Variants in WWOX observed in about 807,000 individuals in gnomAD.
WWOX encodes the protein WW domain containing oxidoreductase.
In WWOX, 69 loss-of-function variants were observed where a neutral mutation model predicts 46.2. That is an observed-to-expected ratio of 1.49 (90% confidence interval 1.23 to 1.82). The LOEUF is 1.82. Ranked by LOEUF, WWOX falls within the 40% of genes most tolerant of loss-of-function variation. The pLI, the probability that WWOX is intolerant of heterozygous loss-of-function variation, is 0.00. For missense variants in WWOX, 919 were observed against 542.6 expected (o/e 1.69, Z -6.89); for synonymous variants, 359 against 202.6 (o/e 1.77, Z -6.56).
At chr16:78,657,244 A>G (rs2047102437) in intron 8 of WWOX, among the ~76,000 whole-genome samples, 1 of 151,620 alleles carries the variant, frequency 6.6e-6, no homozygotes, top group Non-Finnish European at 1.5e-5. Context: ...TTTCATTGCC[A>G]CCCTTGCCTG....
chr16:78,652,436 A>C (rs57552904), intron 8 of WWOX, among the ~76,000 whole-genome samples: 1 of 151,386 alleles, frequency 6.6e-6, no homozygotes, highest in African/African-American at 2.4e-5. Context: ...AAAAAAGAAA[A>C]AGAAAAAGGT....
At chr16:79,160,805 A>G (rs902475341) in intron 8 of WWOX, among the ~76,000 whole-genome samples, 1 of 152,200 alleles carries the variant, frequency 6.6e-6, no homozygotes. Context: ...ACATATATGT[A>G]TATGTTCTGT....
At chr16:78,128,532 A>C (rs987115890) in intron 4 of WWOX, among the ~76,000 whole-genome samples, 2 of 152,188 alleles carry the variant, frequency 1.3e-5, no homozygotes, top group African/African-American at 2.4e-5. Flanking sequence ...CCAGGTCCTT[A>C]CTTCTGCTCA....
chr16:78,456,559 T>G (rs1373487262), intron 8 of WWOX, among the ~76,000 whole-genome samples: 1 of 152,194 alleles, frequency 6.6e-6, no homozygotes, highest in African/African-American at 2.4e-5. Context: ...AGAACAATAT[T>G]TTAACATAAT....
At chr16:78,859,975 G>A (rs888986727) in intron 8 of WWOX, among the ~76,000 whole-genome samples, 7 of 152,236 alleles carry the variant, frequency 4.6e-5, no homozygotes, top group Non-Finnish European at 7.4e-5. Flanking sequence ...TATCCAGATA[G>A]CTATAGCAAA....
chr16:78,490,851 C>G (rs919019977), intron 8 of WWOX, among the ~76,000 whole-genome samples: 2 of 152,176 alleles, frequency 1.3e-5, no homozygotes, highest in African/African-American at 4.8e-5. Context: ...AGAAGCTCAC[C>G]CATCACCATT....
At chr16:78,798,973 T>G (rs1318499356) in intron 8 of WWOX, among the ~76,000 whole-genome samples, 1 of 152,152 alleles carries the variant, frequency 6.6e-6, no homozygotes, top group African/African-American at 2.4e-5. Context: ...TCTTGGTCTA[T>G]TAATTCAGGA....
Position 78,851,910 on chromosome 16 carries a change from A to G in WWOX, c.1057-359698A>G, listed in dbSNP as rs139978405. Among the ~76,000 whole-genome samples, 383 of 152,292 alleles carry G rather than the reference A, an allele frequency of 2.5e-3. 2 individuals carry two copies. The highest frequency in any genetic ancestry group is 8.8e-3 in the African/African-American group (364 of 41,570). Reference sequence around the variant, plus strand: ...TGAAATAATTTCATTTAAACCCTTCATGCCCATCTTCAGCATCATTGCTAA... The same window carrying G: ...TGAAATAATTTCATTTAAACCCTTCGTGCCCATCTTCAGCATCATTGCTAA... On this transcript the variant is annotated intron_variant, in intron 8 of 8. Transcript: ENST00000566780.
At chr16:78,809,904 A>C (rs1034348884) in intron 8 of WWOX, among the ~76,000 whole-genome samples, 28 of 152,184 alleles carry the variant, frequency 1.8e-4, no homozygotes, top group African/African-American at 6.3e-4. Context: ...CCCGTGGGTT[A>C]GCATGTTCCA....
At chr16:78,590,496 A>G (rs1163673245) in intron 8 of WWOX, among the ~76,000 whole-genome samples, 1 of 152,226 alleles carries the variant, frequency 6.6e-6, no homozygotes, top group Non-Finnish European at 1.5e-5. Context: ...GTTGGGGAAG[A>G]GGGAAAGGTT....
intron 8 of WWOX, among the ~76,000 whole-genome samples, chr16:78,725,373 G>A (rs1403159533): frequency 2.9e-5 from 2 of 69,442 alleles, no homozygotes; most frequent in Non-Finnish European, 5.0e-5. Flanking sequence ...TTGAGATGGA[G>A]TTTCACTCTT....
At chr16:78,638,526 C>A (rs553309660) in intron 8 of WWOX, among the ~76,000 whole-genome samples, 1 of 152,132 alleles carries the variant, frequency 6.6e-6, no homozygotes, top group African/African-American at 2.4e-5. Flanking sequence ...TTTTGTCTGG[C>A]CTGTACCTGC....
At chr16:78,967,885 A>T (rs2046392325) in intron 8 of WWOX, among the ~76,000 whole-genome samples, 1 of 152,204 alleles carries the variant, frequency 6.6e-6, no homozygotes, top group Non-Finnish European at 1.5e-5. Flanking sequence ...CCACATCAGT[A>T]GCTGCAGGAG....
intron 8 of WWOX, among the ~76,000 whole-genome samples, chr16:79,059,572 C>T (rs938700043): frequency 6.6e-6 from 1 of 152,128 alleles, no homozygotes; most frequent in Non-Finnish European, 1.5e-5. Flanking sequence ...CTCACTGCAG[C>T]CTCCGCCTTC....
At chr16:78,532,584 G>A (rs35849257) in intron 8 of WWOX, among the ~76,000 whole-genome samples, 2,163 of 152,214 alleles carry the variant, frequency 0.014, 23 homozygotes, top group African/African-American at 0.027. Flanking sequence ...ACTGATAAAG[G>A]CATACCCAAT....
chr16:78,856,500 G>A (rs568426788), intron 8 of WWOX, among the ~76,000 whole-genome samples: 2 of 152,212 alleles, frequency 1.3e-5, no homozygotes, highest in East Asian at 1.9e-4. Flanking sequence ...AAAATCAGCT[G>A]GTTGTGGTGG....
intron 8 of WWOX, among the ~76,000 whole-genome samples, chr16:78,513,105 T>G (rs559356265): frequency 6.6e-6 from 1 of 152,306 alleles, no homozygotes; most frequent in East Asian, 1.9e-4. Flanking sequence ...TTCCAACTGG[T>G]TTGTATTTTC....
chr16:78,658,252 G>C (rs967568929), intron 8 of WWOX, among the ~76,000 whole-genome samples: 1 of 152,028 alleles, frequency 6.6e-6, no homozygotes, highest in African/African-American at 2.4e-5. Context: ...CTTTCCATGA[G>C]AAAGTATTTT....
At chr16:78,803,212 A>G (rs2050942162) in intron 8 of WWOX, among the ~76,000 whole-genome samples, 1 of 152,044 alleles carries the variant, frequency 6.6e-6, no homozygotes, top group South Asian at 2.1e-4. Context: ...TCTTCCTTAA[A>G]TAAAAAGCTG....
Sources: gnomAD v4.1 joint callset for allele counts (sites outside exome capture counted in the v4.1 genomes callset) on GRCh38, gnomAD v4.1.1 for gene constraint, MANE v1.5 for transcripts, NCBI Gene and HGNC (gene_info 2026-07-23, HGNC 2026-07-21) for gene names.